Variants in MGAM observed in about 807,000 individuals in gnomAD.
MGAM encodes the protein alpha-1,4-glucosidase.
Under a neutral mutation model 358.8 loss-of-function variants are expected in MGAM, and 253 were observed. The ratio of observed to expected loss-of-function variants is 0.71; its 90% CI spans 0.64 to 0.78. MGAM has a LOEUF of 0.78. MGAM is among the 30% of genes least tolerant of loss of function. The pLI is 0.00. For missense variants in MGAM, 3,080 were observed against 3,432.6 expected (o/e 0.90, Z 2.57); for synonymous variants, 1,105 against 1,227.1 (o/e 0.90, Z 2.08).
At position 142,095,919 on chromosome 7, in the gene MGAM, G is replaced by A. The variant is rs1349644920; in HGVS notation, c.7607+206G>A. 5 of 788,942 alleles carry A rather than the reference G, an allele frequency of 6.3e-6. No homozygotes were observed. The African/African-American group carries it at 6.9e-5, about 11-fold the overall frequency. 48.9% of individuals were successfully genotyped at this position (788,942 alleles called of 1,614,324 possible). Reference sequence around the variant, plus strand: ...GGTTATTGATTGAATGAGCAAAACTGAAATGATGCAGTATAGCATAGAATA... The same window carrying A: ...GGTTATTGATTGAATGAGCAAAACTAAAATGATGCAGTATAGCATAGAATA... On this transcript the variant is annotated intron_variant, in intron 64 of 70. Transcript: ENST00000475668.
At chr7:142,056,752 T>G in intron 29 of MGAM, 78 bp from the exon 30 acceptor site, 1 of 1,396,844 alleles carries the variant, frequency 7.2e-7, no homozygotes, top group South Asian at 1.2e-5. Flanking sequence ...TGCAGGAAGA[T>G]GGAGAATGTG....
At chr7:142,005,380 T>TG (rs1327863330) in intron 1 of MGAM, 149 bp from the exon 2 acceptor site, 2 of 557,000 alleles carry the variant, frequency 3.6e-6, no homozygotes, top group African/African-American at 4.0e-5. Flanking sequence ...GAATTGGCCA[T>TG]GAGCTGATAA....
chr7:142,043,604 A>ACT (rs1809392889), intron 21 of MGAM, among the ~76,000 whole-genome samples: 1 of 65,628 alleles, frequency 1.5e-5, no homozygotes, highest in East Asian at 3.6e-4. Flanking sequence ...ATATACATAT[A>ACT]ATATCTAATA....
At chr7:142,039,160 C>A (rs1267131053) in intron 19 of MGAM, among the ~76,000 whole-genome samples, 1 of 143,930 alleles carries the variant, frequency 6.9e-6, no homozygotes, top group Admixed American at 7.2e-5. Context: ...GGCTGGAGTG[C>A]AGTGGCACAA....
At position 142,008,583 on chromosome 7, in the gene MGAM, C is replaced by A. The variant is rs571920896; in HGVS notation, c.205C>A (p.His69Asn). The A allele has an allele frequency of 3.7e-6, 6 of 1,612,980 alleles. No individual in the cohort carries two copies. In the African/African-American group the frequency reaches 8.0e-5, roughly 22 times the overall value. ...TPDPGTTGTT[H>N]ARTTGPPDPG... ...AGATCCTGGAACAACTGGTACCACA[C>A]ATGCTAGGACAACGGGTCCCCCAGA... is the stretch of plus-strand genomic sequence containing the variant. Residue 69 changes from histidine to asparagine, a missense_variant, in exon 3 of 71, where the codon CAT becomes AAT. By Grantham distance (68) the His-to-Asn change is moderately conservative (BLOSUM62 1). This residue lies in a region of MGAM where 1,816 missense variants were observed against 1,840.5 expected (regional missense o/e 0.99). Coordinates refer to ENST00000475668, the MANE Select transcript of MGAM (RefSeq NM_001365693.1).
Position 142,078,488 on chromosome 7 carries a change from G to A in MGAM, c.5646+18G>A, listed in dbSNP as rs765834696. 2.6e-6 allele frequency: 4 copies of A among 1,528,172 alleles called. No individual in the cohort carries two copies. In the African/African-American group the frequency reaches 4.0e-5, roughly 15 times the overall value. The allele number at this position is 1,528,172 out of a possible 1,614,324, so 94.7% of individuals were successfully genotyped here. ...TCTGGGAGGTAACCATGCTGATGGG[G>A]TTCATGTGCATGAAAATCTCCACAC... On this transcript the variant is annotated intron_variant, in intron 48 of 70. Coordinates refer to ENST00000475668, the MANE Select transcript of MGAM (RefSeq NM_001365693.1).
chr7:142,099,394 A>T (rs796651549), intron 66 of MGAM, among the ~76,000 whole-genome samples: 3 of 152,226 alleles, frequency 2.0e-5, no homozygotes, highest in Non-Finnish European at 4.4e-5. Flanking sequence ...TAGTTTGTAC[A>T]GTGGAAGCAA....
chr7:142,083,216 C>G, intron 52 of MGAM, 85 bp from the exon 53 acceptor site: 1 of 1,060,884 alleles, frequency 9.4e-7, no homozygotes, highest in Non-Finnish European at 1.4e-6. Context: ...AGGGAGGGTG[C>G]AGGAAATAGA....
At chr7:142,008,297 T>C (rs1317768884) in intron 2 of MGAM, among the ~76,000 whole-genome samples, 1 of 152,016 alleles carries the variant, frequency 6.6e-6, no homozygotes. Context: ...GGGAGGGAGT[T>C]GGGAGTAGAA....
At chr7:142,104,022 T>C (rs1469668704) in intron 70 of MGAM, among the ~76,000 whole-genome samples, 2 of 152,072 alleles carry the variant, frequency 1.3e-5, no homozygotes, top group Non-Finnish European at 2.9e-5. Context: ...CCGGCTAATT[T>C]TTTGTATTTT....
At chr7:142,044,575 GATATATAATGTATATTAT>G in intron 21 of MGAM, among the ~76,000 whole-genome samples, 2 of 130,186 alleles carry the variant, frequency 1.5e-5, no homozygotes, top group African/African-American at 5.6e-5. Flanking sequence ...TGTAATATAT[GATATATAATGTATATTAT>G]ATACACGTGT....
chr7:142,078,926 A>G lies in MGAM; in HGVS notation c.5765A>G (p.His1922Arg), dbSNP rs776254332. The G allele has an allele frequency of 1.2e-4, 180 of 1,555,674 alleles. 25 individuals carry two copies. The highest frequency in any genetic ancestry group is 1.4e-4 in the Non-Finnish European group (153 of 1,132,314). The change falls in exon 49 of 71, where the codon CAT becomes CGT. Residue 1922 changes from histidine (H) to arginine (R), a missense_variant. Coordinates refer to ENST00000475668, the MANE Select transcript of MGAM (RefSeq NM_001365693.1). ...TADISLKSSVHANAFPSTPVN... is the reference protein window; with the variant it reads ...TADISLKSSVRANAFPSTPVN... Reference sequence around the variant, plus strand: ...GACATCTCCTTAAAGTCTTCTGTTCATGCCAATGCCTTCCCTTCCACACCC... The same window carrying G: ...GACATCTCCTTAAAGTCTTCTGTTCGTGCCAATGCCTTCCCTTCCACACCC...
At chr7:142,095,932 A>G (rs1378285402) in intron 64 of MGAM, 7 of 731,948 alleles carry the variant, frequency 9.6e-6, no homozygotes, top group African/African-American at 5.3e-5. Context: ...ATGATGCAGT[A>G]TAGCATAGAA....
chr7:142,054,755 T>C lies in MGAM; in HGVS notation c.3161T>C (p.Ile1054Thr). The change falls in exon 27 of 71, where the codon ATT (isoleucine) becomes ACT (threonine). Residue 1054 changes from isoleucine (I) to threonine (T), a missense_variant and splice_region_variant. Ile to Thr is a moderately conservative substitution (Grantham distance 89). Coordinates refer to ENST00000475668, the MANE Select transcript of MGAM (RefSeq NM_001365693.1). ...YHKNEMLQFK[I>T]YDPNKNRYEV... Reference sequence around the variant, plus strand: ...TAAAATTGATTTCCTCTGGCCTAGATTTATGATCCCAACAAGAATCGGTAT... The same window carrying C: ...TAAAATTGATTTCCTCTGGCCTAGACTTATGATCCCAACAAGAATCGGTAT... 1 of 1,613,826 alleles carries C rather than the reference T, an allele frequency of 6.2e-7. No individual in the cohort carries two copies. The highest frequency in any genetic ancestry group is 1.1e-5 in the South Asian group (1 of 91,054).
At chr7:141,989,311 A>G (rs1554446831) in intron 2 of MGAM, among the ~76,000 whole-genome samples, 1 of 152,070 alleles carries the variant, frequency 6.6e-6, no homozygotes, top group African/African-American at 2.4e-5. Flanking sequence ...GTTGGATATT[A>G]TTTCATTTTC....
Position 142,102,638 on chromosome 7 carries a change from G to A in MGAM, c.7972G>A (p.Gly2658Arg). Residue 2658 changes from glycine (G) to arginine (R), a missense_variant, in exon 69 of 71, where the codon GGG (glycine) becomes AGG (arginine). Transcript: ENST00000475668. Reference protein sequence around the residue: ...WDDGQSIDTYGKGLYYLASFS... With the variant: ...WDDGQSIDTYRKGLYYLASFS... ...TTGTTTTTTGTTTGCAGATACCTAT[G>A]GGAAAGGACTCTATTACTTGGCCAG... 6.2e-7 allele frequency: 1 copy of A among 1,613,352 alleles called. No individual in the cohort carries two copies. The highest frequency in any genetic ancestry group is 8.5e-7 in the Non-Finnish European group (1 of 1,179,646).
In MGAM at chr7:142,099,470, C is replaced by T. The variant is rs1171838432; in HGVS notation, c.7750-143C>T. 4 of 1,314,480 alleles carry T rather than the reference C, an allele frequency of 3.0e-6. No individual in the cohort carries two copies. The East Asian group carries it at 7.0e-5, about 23-fold the overall frequency. 81.4% of individuals were successfully genotyped at this position (1,314,480 alleles called of 1,614,324 possible). A position where few individuals can be genotyped will look rare whatever the true frequency, so the allele number is the denominator to read the frequency against. On this transcript the variant is annotated intron_variant, in intron 66 of 70. Coordinates refer to ENST00000475668, the MANE Select transcript of MGAM (RefSeq NM_001365693.1). ...GATTTCTTGCAGCACTGGGTGAATG[C>T]AGAATGGGTAATGGCAGGTATGTTG...
chr7:142,076,014 A>G (rs1202237617), intron 45 of MGAM, among the ~76,000 whole-genome samples, 189 bp from the exon 46 acceptor site: 1 of 146,368 alleles, frequency 6.8e-6, no homozygotes, highest in African/African-American at 2.4e-5. Flanking sequence ...ATTACTTGCA[A>G]CAGCCAAGAT....
In MGAM at chr7:142,094,538, G is replaced by C. The variant is rs750388519; in HGVS notation, c.7306+41G>C. 52 of 1,556,332 alleles carry C rather than the reference G, an allele frequency of 3.3e-5. 6 individuals are homozygous for C. The Middle Eastern group carries it at 6.7e-4, about 20-fold the overall frequency. The stretch of plus-strand genomic sequence containing the variant: ...CCAGGGCCTGTGCCGGTAGGGCAGG[G>C]AGTTGGGATCCTTGGGGAAGAGGTG... On this transcript the variant is annotated intron_variant, in intron 61 of 70. Transcript: ENST00000475668.
Sources: allele counts gnomAD v4.1 joint callset (sites outside exome capture counted in the v4.1 genomes callset), GRCh38; gene constraint gnomAD v4.1.1; regional missense constraint gnomAD v4.1.1; transcripts MANE v1.5; gene names NCBI Gene and HGNC (gene_info 2026-07-23, HGNC 2026-07-21).